The following CES1 variants were observed in gnomAD, a reference collection of about 807,000 sequenced individuals.
CES1 encodes the protein liver carboxylesterase 1.
In CES1, 50 loss-of-function variants were observed where a neutral mutation model predicts 53.0. That is an observed-to-expected ratio of 0.94 (90% CI 0.75 to 1.19). CES1 has a LOEUF of 1.19. CES1 is among the 50% of genes most tolerant of loss of function. The probability of loss-of-function intolerance (pLI) is 0.00; values close to 1 mark genes in which losing one functional copy is unlikely to be tolerated. For synonymous variants in CES1, 202 were observed against 210.1 expected, an observed-to-expected ratio of 0.96 and a Z score of 0.33; for missense variants, 534 against 538.0, an observed-to-expected ratio of 0.99 and a Z score of 0.07.
Position 55,810,583 on chromosome 16 carries a change from A to G in CES1, c.1252T>C (p.Phe418Leu). 1 of 1,614,140 alleles carries G rather than the reference A, an allele frequency of 6.2e-7. No individual in the cohort carries two copies. Among genetic ancestry groups the G allele is most frequent in the South Asian group, 1.1e-5 (1 of 91,080 alleles). Residue 418 changes from phenylalanine (F) to leucine (L), a missense_variant, in exon 11 of 14, where the codon TTC becomes CTC. Around this residue, in one of 5 missense-constraint regions of CES1, gnomAD observed 269 missense variants for 206.6 expected, o/e 1.30. Coordinates refer to ENST00000360526, the MANE Select transcript of CES1 (RefSeq NM_001025195.2). The part of the protein sequence containing the change: ...TDDTVKKKDL[F>L]LDLIADVMFG... Reference sequence around the variant, plus strand: ...ATCACATCTGCTATCAAGTCCAGGAACAGGTCTTTCTTTTTGACAGTGTCG... The same window carrying G: ...ATCACATCTGCTATCAAGTCCAGGAGCAGGTCTTTCTTTTTGACAGTGTCG...
intron 1 of CES1, among the ~76,000 whole-genome samples, chr16:55,831,892 A>AC (rs2032694028): frequency 6.6e-6 from 1 of 151,142 alleles, no homozygotes; most frequent in Non-Finnish European, 1.5e-5. Context: ...ATAAAATGGC[A>AC]TGGGGGTATT....
rs554055578 is a variant in CES1, at chr16:55,809,473, G to C, written c.1318+1044C>G. On this transcript the variant is annotated intron_variant, in intron 11 of 13. Transcript: ENST00000360526. ...TTGCAGACTAGGCGAATGAGAGCTG[G>C]AAGAAAAGGAATCCTGTGAATCTCC... Among the ~76,000 whole-genome samples the C allele has an allele frequency of 5.9e-4, 90 of 152,320 alleles. No homozygotes were observed. In the Middle Eastern group the frequency reaches 0.01, roughly 17 times the overall value.
chr16:55,820,566 T>C (rs1415471865), intron 5 of CES1, 87 bp from the exon 6 acceptor site: 2 of 1,604,746 alleles, frequency 1.2e-6, no homozygotes, highest in Non-Finnish European at 1.7e-6. Context: ...TCTACTCCAC[T>C]ATAAAACCAA....
intron 1 of CES1, among the ~76,000 whole-genome samples, chr16:55,832,752 G>A (rs1180790530): frequency 6.6e-6 from 1 of 152,236 alleles, no homozygotes; most frequent in Non-Finnish European, 1.5e-5. Context: ...TGCGGCCTGA[G>A]GTGGGCCGGC....
chr16:55,828,184 CCT>C lies in CES1; in HGVS notation c.260+581_260+582del. On this transcript the variant is annotated intron_variant, in intron 2 of 13. Transcript: ENST00000360526. ...GGAGTGATGGTGAGGCCAATTAGAA[CCT>C]TTGGGCTTTTCTTCCCAGCTTGGCC... 5 of 188,208 alleles carry C rather than the reference CCT, an allele frequency of 2.7e-5. No homozygotes were observed. In the South Asian group the frequency reaches 3.1e-4, roughly 12 times the overall value. The allele number at this position is 188,208 out of a possible 1,614,324, so 11.7% of individuals were successfully genotyped here. A position where few individuals can be genotyped will look rare whatever the true frequency, so the allele number is the denominator to read the frequency against.
chr16:55,815,564 A>T (rs2031903035), intron 8 of CES1, among the ~76,000 whole-genome samples: 1 of 151,968 alleles, frequency 6.6e-6, no homozygotes, highest in African/African-American at 2.4e-5. Flanking sequence ...GTGTCAGAAA[A>T]CTCAGGGCGT....
chr16:55,816,880 T>G, intron 8 of CES1, 44 bp downstream of exon 8: 1 of 1,588,142 alleles, frequency 6.3e-7, no homozygotes, highest in Non-Finnish European at 8.6e-7. Context: ...AGCTTAAAGG[T>G]GCTAAGACTC....
intron 6 of CES1, 84 bp from the exon 7 acceptor site, chr16:55,819,723 C>T (rs1368315835): frequency 6.8e-6 from 8 of 1,179,956 alleles, no homozygotes; most frequent in Admixed American, 6.7e-5. Flanking sequence ...CTATCCCAAG[C>T]CCAACTTGTA....
chr16:55,820,213 A>G (rs1248940693), intron 6 of CES1, 159 bp downstream of exon 6: 18 of 602,148 alleles, frequency 3.0e-5, no homozygotes, highest in African/African-American at 2.8e-4. Flanking sequence ...GACGCTGATC[A>G]AGGTGTCTCC....
In CES1 at chr16:55,816,361, G is replaced by T. The variant is rs1428763545; in HGVS notation, c.945+563C>A. Among the ~76,000 whole-genome samples the T allele has an allele frequency of 3.3e-5, 5 of 152,366 alleles. No homozygotes were observed. The East Asian group carries it at 9.6e-4, about 29-fold the overall frequency. ...CATGTACTCCGCCCATGACCATTTAGGAGAGTGCTGTGATCTCCAGGGAGG... is the reference window on the plus strand; with the variant it reads ...CATGTACTCCGCCCATGACCATTTATGAGAGTGCTGTGATCTCCAGGGAGG... On this transcript the variant is annotated intron_variant, in intron 8 of 13. Transcript: ENST00000360526.
rs367643895 is a variant in CES1 at position 55,826,518 on chromosome 16, C to T, written c.261-223G>A. 2.0e-5 allele frequency among the ~76,000 whole-genome samples: 3 copies of T among 152,306 alleles called. No homozygotes were observed. The South Asian group carries it at 6.2e-4, about 32-fold the overall frequency. ...GCAGAGTGAGAAGGGCTTCACACCT[C>T]TTCCCTTTCCAGAGCCTTTGGAACT... On this transcript the variant is annotated intron_variant, in intron 2 of 13. Coordinates refer to ENST00000360526, the MANE Select transcript of CES1 (RefSeq NM_001025195.2).
At position 55,813,015 on chromosome 16, in the gene CES1, T is replaced by A; in HGVS notation, c.974A>T (p.Asp325Val). The A allele has an allele frequency of 6.2e-7, 1 of 1,613,984 alleles. No homozygotes were observed. Among genetic ancestry groups the A allele is most frequent in the Non-Finnish European group, 8.5e-7 (1 of 1,179,926 alleles). The change falls in exon 9 of 14, where the codon GAT (aspartate) becomes GTT (valine). Residue 325 changes from aspartate (D) to valine (V), a missense_variant. By Grantham distance (152) the Asp-to-Val change is radical. This residue lies in a region of CES1 where 269 missense variants were observed against 206.6 expected (regional missense o/e 1.30). Coordinates refer to ENST00000360526, the MANE Select transcript of CES1 (RefSeq NM_001025195.2). Reference sequence around the variant, plus strand: ...AGGTGTTTTCAGCAGCAGCATCCCATCAATCACAGTGCCCAGAAGGGGTTG... The same window carrying A: ...AGGTGTTTTCAGCAGCAGCATCCCAACAATCACAGTGCCCAGAAGGGGTTG... ...ESQPLLGTVI[D>V]GMLLLKTPEE...
intron 9 of CES1, chr16:55,812,555 C>A: frequency 2.7e-6 from 1 of 373,808 alleles, no homozygotes. Context: ...AGCCAGGAAG[C>A]CCCCGACTGC....
In CES1 at chr16:55,808,547, G is replaced by A. The variant is rs577192402; in HGVS notation, c.1318+1970C>T. Among the ~76,000 whole-genome samples the A allele has an allele frequency of 2.6e-5, 4 of 152,340 alleles. No homozygotes were observed. In the South Asian group the frequency reaches 8.3e-4, roughly 32 times the overall value. ...ATTAAGAAATCCACATTCTTATGCA[G>A]TGGAATGCAATTTTACAATATTTGC... On this transcript the variant is annotated intron_variant, in intron 11 of 13. Transcript: ENST00000360526.
intron 2 of CES1, 74 bp from the exon 3 acceptor site, chr16:55,826,369 G>T: frequency 6.4e-7 from 1 of 1,562,896 alleles, no homozygotes; most frequent in Non-Finnish European, 8.8e-7. Flanking sequence ...CAGCGCCTTG[G>T]ACTGGGAGGT....
At chr16:55,823,806 C>G (rs545497793) in intron 3 of CES1, 123 bp from the exon 4 acceptor site, 1 of 1,564,622 alleles carries the variant, frequency 6.4e-7, no homozygotes, top group African/African-American at 1.4e-5. Flanking sequence ...CAAAGTTCAC[C>G]AGCTCCCAGC....
chr16:55,826,467 G>A (rs1418230460), intron 2 of CES1, among the ~76,000 whole-genome samples, 172 bp from the exon 3 acceptor site: 1 of 152,138 alleles, frequency 6.6e-6, no homozygotes, highest in South Asian at 2.1e-4. Flanking sequence ...GGGGCGCTGG[G>A]ACTCACTAAG....
chr16:55,821,298 A>G, intron 5 of CES1, 70 bp downstream of exon 5: 4 of 1,583,630 alleles, frequency 2.5e-6, no homozygotes, highest in Non-Finnish European at 3.5e-6. Flanking sequence ...AGCTGGATTG[A>G]CAGGTGTCCA....
At chr16:55,812,069 C>T (rs2031724237) in intron 9 of CES1, among the ~76,000 whole-genome samples, 1 of 152,182 alleles carries the variant, frequency 6.6e-6, no homozygotes, top group Non-Finnish European at 1.5e-5. Flanking sequence ...CGTCATCAGG[C>T]TTTTGTTTCA....
Sources: allele counts gnomAD v4.1 joint callset (sites outside exome capture counted in the v4.1 genomes callset), GRCh38; gene constraint gnomAD v4.1.1; regional missense constraint gnomAD v4.1.1; transcripts MANE v1.5; gene names NCBI Gene and HGNC (gene_info 2026-07-23, HGNC 2026-07-21).